The following NRG3 variants were observed in gnomAD, a reference collection of about 807,000 sequenced individuals.
The protein encoded by NRG3 is pro-neuregulin-3, membrane-bound isoform.
In NRG3, 31 loss-of-function variants were observed where a neutral mutation model predicts 66.9. That is an observed-to-expected ratio of 0.46 (90% confidence interval 0.35 to 0.63). The LOEUF (loss-of-function observed/expected upper bound fraction) is 0.63. NRG3 is among the 20% of genes least tolerant of loss of function. The probability of loss-of-function intolerance (pLI) is 0.00; values close to 1 mark genes in which losing one functional copy is unlikely to be tolerated. For synonymous variants in NRG3, 393 were observed against 359.4 expected, an observed-to-expected ratio of 1.09 and a Z score of -1.06; for missense variants, 910 against 878.9, an observed-to-expected ratio of 1.04 and a Z score of -0.45.
chr10:82,889,715 T>A (rs963096), intron 4 of NRG3, among the ~76,000 whole-genome samples: 1 of 151,990 alleles, frequency 6.6e-6, no homozygotes, highest in Non-Finnish European at 1.5e-5. Flanking sequence ...AAATATCGCC[T>A]GCCCCAGTCT....
At chr10:82,910,247 C>G (rs1007445544) in intron 4 of NRG3, among the ~76,000 whole-genome samples, 2 of 152,174 alleles carry the variant, frequency 1.3e-5, no homozygotes, top group Non-Finnish European at 2.9e-5. Flanking sequence ...GACAAGTTTG[C>G]CAATGTCATC....
intron 2 of NRG3, among the ~76,000 whole-genome samples, chr10:82,685,002 C>T (rs1448702786): frequency 6.6e-6 from 1 of 151,970 alleles, no homozygotes; most frequent in African/African-American, 2.4e-5. Context: ...GGTTTGAGAA[C>T]ATGAATATGG....
intron 1 of NRG3, among the ~76,000 whole-genome samples, chr10:82,050,835 A>G (rs1197297136): frequency 5.1e-5 from 4 of 78,284 alleles, no homozygotes; most frequent in Admixed American, 1.5e-4. Flanking sequence ...CACTTGCAGA[A>G]TATCCTTCTC....
intron 1 of NRG3, among the ~76,000 whole-genome samples, chr10:82,351,609 G>T (rs145563676): frequency 2.4e-3 from 371 of 152,280 alleles, no homozygotes; most frequent in African/African-American, 8.4e-3. Context: ...AAATGGCCAT[G>T]TTCTTTCCTT....
chr10:81,892,031 ATT>A (rs1411525174), intron 1 of NRG3, among the ~76,000 whole-genome samples: 17 of 152,158 alleles, frequency 1.1e-4, no homozygotes, highest in African/African-American at 4.1e-4. Flanking sequence ...TATGTTGGAC[ATT>A]TGTCAGTTTG....
intron 2 of NRG3, among the ~76,000 whole-genome samples, chr10:82,391,107 G>A (rs766163420): frequency 1.1e-4 from 16 of 152,158 alleles, no homozygotes; most frequent in Non-Finnish European, 1.8e-4. Context: ...AAAGCATTTT[G>A]CCAGATTGAA....
At chr10:81,911,569 G>A (rs1845151938) in intron 1 of NRG3, among the ~76,000 whole-genome samples, 1 of 148,860 alleles carries the variant, frequency 6.7e-6, no homozygotes, top group Admixed American at 6.7e-5. Flanking sequence ...TGGAGTGTGG[G>A]CTTGTGTGTG....
At chr10:81,972,352 A>G (rs879801590) in intron 1 of NRG3, among the ~76,000 whole-genome samples, 7 of 152,186 alleles carry the variant, frequency 4.6e-5, no homozygotes, top group Non-Finnish European at 7.3e-5. Flanking sequence ...CCATATTGAG[A>G]CAAAACATGC....
chr10:82,613,176 G>A (rs1330369660), intron 2 of NRG3, among the ~76,000 whole-genome samples: 1 of 152,128 alleles, frequency 6.6e-6, no homozygotes, highest in African/African-American at 2.4e-5. Flanking sequence ...GGAGATGGCA[G>A]TTCAAGAAGT....
At chr10:82,568,846 C>A (rs2045568748) in intron 2 of NRG3, among the ~76,000 whole-genome samples, 1 of 151,746 alleles carries the variant, frequency 6.6e-6, no homozygotes, top group Admixed American at 6.6e-5. Context: ...TGCTTCACTT[C>A]ATTTTACCTT....
At chr10:81,933,206 G>A (rs1847557383) in intron 1 of NRG3, among the ~76,000 whole-genome samples, 1 of 152,016 alleles carries the variant, frequency 6.6e-6, no homozygotes, top group South Asian at 2.1e-4. Context: ...TCTAAGAAGG[G>A]TGGACTGAAG....
chr10:82,261,753 T>A (rs1288991180), intron 1 of NRG3, among the ~76,000 whole-genome samples: 1 of 152,224 alleles, frequency 6.6e-6, no homozygotes, highest in Non-Finnish European at 1.5e-5. Context: ...AAGGCACAGA[T>A]CACTCATGCT....
At chr10:82,225,117 G>A (rs565222172) in intron 1 of NRG3, among the ~76,000 whole-genome samples, 72 of 152,154 alleles carry the variant, frequency 4.7e-4, no homozygotes, top group African/African-American at 1.4e-3. Context: ...ATGCAATTAT[G>A]TAGGATTATG....
At chr10:81,929,644 G>A (rs928695753) in intron 1 of NRG3, among the ~76,000 whole-genome samples, 42 of 152,250 alleles carry the variant, frequency 2.8e-4, no homozygotes, top group African/African-American at 9.9e-4. Flanking sequence ...CTGTTCCCTT[G>A]AACAAAGGCA....
intron 2 of NRG3, among the ~76,000 whole-genome samples, chr10:82,440,567 T>G (rs1318164796): frequency 1.3e-5 from 2 of 152,082 alleles, no homozygotes; most frequent in African/African-American, 2.4e-5. Context: ...CTATGAGATG[T>G]GGCTAATATC....
intron 1 of NRG3, among the ~76,000 whole-genome samples, chr10:81,883,707 T>G (rs2132496361): frequency 6.6e-6 from 1 of 152,306 alleles, no homozygotes; most frequent in Admixed American, 6.5e-5. Flanking sequence ...GCCTTCCTCC[T>G]CAGATACCTT....
intron 1 of NRG3, among the ~76,000 whole-genome samples, chr10:81,963,567 G>A (rs926997398): frequency 1.3e-5 from 2 of 152,204 alleles, no homozygotes; most frequent in Non-Finnish European, 2.9e-5. Flanking sequence ...TGTTGTCTAA[G>A]TTTTGCCTTT....
chr10:82,152,226 G>A (rs1283261849), intron 1 of NRG3, among the ~76,000 whole-genome samples: 1 of 152,144 alleles, frequency 6.6e-6, no homozygotes, highest in Non-Finnish European at 1.5e-5. Flanking sequence ...ATAAGATTTG[G>A]CTCATGTCTC....
chr10:82,233,540 T>C lies in NRG3; in HGVS notation c.824-125199T>C, dbSNP rs73304640. Among the ~76,000 whole-genome samples, 780 of 152,270 alleles carry C rather than the reference T, an allele frequency of 5.1e-3. 9 individuals are homozygous for C. The highest frequency in any genetic ancestry group is 0.018 in the African/African-American group (755 of 41,546). On this transcript the variant is annotated intron_variant, in intron 1 of 8. Transcript: ENST00000372141. ...GGGCCTTCTTTTCCCTCACTTTCTT[T>C]CTATCATGACTTTCAATCCAGTAGC...
Sources: allele counts gnomAD v4.1 joint callset (sites outside exome capture counted in the v4.1 genomes callset), GRCh38; gene constraint gnomAD v4.1.1; transcripts MANE v1.5; gene names NCBI Gene and HGNC (gene_info 2026-07-23, HGNC 2026-07-21).